Variants in JAKMIP1 observed in about 807,000 individuals in gnomAD.
The protein encoded by JAKMIP1 is janus kinase and microtubule-interacting protein 1.
JAKMIP1 carries 33 observed loss-of-function variants against 113.0 expected under a neutral mutation model. The ratio of observed to expected loss-of-function variants is 0.29; its 90% CI spans 0.22 to 0.39. The LOEUF is 0.39. JAKMIP1 is among the 10% of genes least tolerant of loss of function. JAKMIP1 has a pLI of 1.00. For missense variants in JAKMIP1, 813 were observed against 1,080.5 expected, an observed-to-expected ratio of 0.75 and a Z score of 3.47; for synonymous variants, 480 against 459.9, an observed-to-expected ratio of 1.04 and a Z score of -0.56.
At chr4:6,177,041 T>G (rs6446470) in intron 1 of JAKMIP1, among the ~76,000 whole-genome samples, 2 of 151,742 alleles carry the variant, frequency 1.3e-5, no homozygotes, top group African/African-American at 2.4e-5. Context: ...CTCAAAAAAA[T>G]TTTTTTTAAA....
chr4:6,166,304 C>A (rs1005316524), intron 1 of JAKMIP1, among the ~76,000 whole-genome samples: 3 of 152,220 alleles, frequency 2.0e-5, no homozygotes, highest in African/African-American at 4.8e-5. Context: ...CTTAGATAAA[C>A]CCGGCCAGGA....
rs1437985055 is a variant in JAKMIP1 at position 6,026,278 on chromosome 4, A to C, written c.2446T>G (p.Phe816Val). 1 of 1,362,374 alleles carries C rather than the reference A, an allele frequency of 7.3e-7. No individual in the cohort carries two copies. Among genetic ancestry groups the C allele is most frequent in the South Asian group, 1.3e-5 (1 of 77,484 alleles). The allele number at this position is 1,362,374 out of a possible 1,614,324, so 84.4% of individuals were successfully genotyped here. Residue 816 changes from phenylalanine to valine, a missense_variant and splice_region_variant, in exon 21 of 21, where the codon TTT (phenylalanine) becomes GTT (valine). By Grantham distance (50) the Phe-to-Val change is conservative. Around this residue, in one of 2 missense-constraint regions of JAKMIP1, gnomAD observed 273 missense variants for 426.6 expected, o/e 0.64. Transcript: ENST00000409021. ...KRHLKELEEK[F>V]LFLFLFFSLA... Reference sequence around the variant, plus strand: ...GAGAAAAACAAAAAAAGGAACAAAAACTATAAAATAATACCAAAAGAAAAT... The same window carrying C: ...GAGAAAAACAAAAAAAGGAACAAAACCTATAAAATAATACCAAAAGAAAAT...
At chr4:6,057,590 A>G (rs11730989) in intron 11 of JAKMIP1, among the ~76,000 whole-genome samples, 1,769 of 152,296 alleles carry the variant, frequency 0.012, 21 homozygotes, top group East Asian at 0.052. Flanking sequence ...GGGCCTCACC[A>G]GGCTGCGAGC....
chr4:6,089,524 A>C lies in JAKMIP1; in HGVS notation c.625-3895T>G, dbSNP rs987595776. ...ACAAACTTGAGGCCCAGAAAGGGGA[A>C]TGTGCTAACACTCTAGTTAGCAGCA... is the stretch of plus-strand genomic sequence containing the variant. On this transcript the variant is annotated intron_variant, in intron 3 of 20. Coordinates refer to ENST00000409021, the MANE Select transcript of JAKMIP1 (RefSeq NM_001099433.2). The surrounding 1 kb of genome is among the most constrained non-coding windows in gnomAD (Gnocchi z 5.3). Among the ~76,000 whole-genome samples the C allele has an allele frequency of 2.6e-5, 4 of 152,202 alleles. No individual in the cohort carries two copies. Among genetic ancestry groups the C allele is most frequent in the African/African-American group, 9.6e-5 (4 of 41,458 alleles).
intron 1 of JAKMIP1, among the ~76,000 whole-genome samples, chr4:6,133,908 T>C (rs890443260): frequency 1.3e-5 from 2 of 152,230 alleles, no homozygotes; most frequent in African/African-American, 4.8e-5. Flanking sequence ...ATTGAGATGG[T>C]TGGATGACCA....
chr4:6,187,774 T>G lies in JAKMIP1; in HGVS notation c.-148+12479A>C, dbSNP rs1190060933. Among the ~76,000 whole-genome samples the G allele has an allele frequency of 6.6e-6, 1 of 152,274 alleles. No individual in the cohort carries two copies. Among genetic ancestry groups the G allele is most frequent in the Non-Finnish European group, 1.5e-5 (1 of 68,046 alleles). On this transcript the variant is annotated intron_variant, in intron 1 of 20. Coordinates refer to ENST00000409021, the MANE Select transcript of JAKMIP1 (RefSeq NM_001099433.2). The surrounding 1 kb of genome is among the most constrained non-coding windows in gnomAD (Gnocchi z 4.2). Reference sequence around the variant, plus strand: ...TGAAAGGACCAAGATAGCATATACTTGGATCATATATTTTATCCCTGACAA... The same window carrying G: ...TGAAAGGACCAAGATAGCATATACTGGGATCATATATTTTATCCCTGACAA...
At chr4:6,028,883 A>G (rs1332875571) in intron 20 of JAKMIP1, among the ~76,000 whole-genome samples, 2 of 152,180 alleles carry the variant, frequency 1.3e-5, no homozygotes, top group East Asian at 3.8e-4. Flanking sequence ...ATCTAGAATC[A>G]TTTGCGTACT....
chr4:6,104,710 G>A (rs945254225), intron 3 of JAKMIP1, among the ~76,000 whole-genome samples: 2 of 152,186 alleles, frequency 1.3e-5, no homozygotes, highest in Admixed American at 1.3e-4. Context: ...TTTGTGGCGG[G>A]CCCCCTCCCT....
Position 6,141,090 on chromosome 4 carries a change from ACTACCAT to A in JAKMIP1, c.-147-28100_-147-28094del, listed in dbSNP as rs563306385. Among the ~76,000 whole-genome samples the A allele has an allele frequency of 1.8e-4, 28 of 152,344 alleles. 1 individual carries two copies. In the South Asian group the frequency reaches 5.8e-3, roughly 32 times the overall value. On this transcript the variant is annotated intron_variant, in intron 1 of 20. Transcript: ENST00000409021. The surrounding 1 kb of genome is among the most constrained non-coding windows in gnomAD (Gnocchi z 9.4). ...CACAGCGAAGAAGCCTCAGTCAGTC[ACTACCAT>A]CCTAATTGTATCGCGTAGAATGAGA...
At chr4:6,068,871 T>C (rs1718550175) in intron 8 of JAKMIP1, among the ~76,000 whole-genome samples, 1 of 152,194 alleles carries the variant, frequency 6.6e-6, no homozygotes, top group East Asian at 1.9e-4. Flanking sequence ...TGCCCAGCCT[T>C]AACATTTTTT....
chr4:6,123,490 AGAG>A (rs1716985352), intron 1 of JAKMIP1, among the ~76,000 whole-genome samples: 4 of 152,220 alleles, frequency 2.6e-5, no homozygotes, highest in Admixed American at 2.6e-4. Flanking sequence ...CAAAAGAGAG[AGAG>A]GAGATTAAAA....
At chr4:6,055,724 C>A (rs1329399696) in intron 12 of JAKMIP1, among the ~76,000 whole-genome samples, 1 of 151,840 alleles carries the variant, frequency 6.6e-6, no homozygotes, top group Non-Finnish European at 1.5e-5. Context: ...TGCAGGTGTC[C>A]CCAGAGGTCG....
intron 11 of JAKMIP1, among the ~76,000 whole-genome samples, chr4:6,058,620 T>C (rs1390332308): frequency 2.6e-5 from 4 of 152,244 alleles, no homozygotes; most frequent in Admixed American, 1.3e-4. Flanking sequence ...TTCCAGCCAA[T>C]GGAGACAGGA....
rs1411514895 is a variant in JAKMIP1 at position 6,051,217 on chromosome 4, T to A, written c.1807-538A>T. Among the ~76,000 whole-genome samples the A allele has an allele frequency of 2.1e-5, 3 of 144,538 alleles. No homozygotes were observed. In the East Asian group the frequency reaches 6.0e-4, roughly 29 times the overall value. The allele number at this position is 144,538 out of a possible 152,430, so 94.8% of individuals were successfully genotyped here. On this transcript the variant is annotated intron_variant, in intron 13 of 20. Coordinates refer to ENST00000409021, the MANE Select transcript of JAKMIP1 (RefSeq NM_001099433.2). The surrounding 1 kb of genome is among the most constrained non-coding windows in gnomAD (Gnocchi z 5.0). ...CCCAAAGGCTGACTTTCTTTCTTTT[T>A]CTTTCCTTTTTTTTTTTTTTTTGAG...
At chr4:6,058,929 C>T (rs16838141) in intron 11 of JAKMIP1, among the ~76,000 whole-genome samples, 15 of 152,076 alleles carry the variant, frequency 9.9e-5, no homozygotes, top group Non-Finnish European at 1.0e-4. Context: ...CTTATCATCT[C>T]GCACCTGGAT....
At chr4:6,083,934 TA>T (rs1560159278) in intron 5 of JAKMIP1, among the ~76,000 whole-genome samples, 2 of 152,218 alleles carry the variant, frequency 1.3e-5, no homozygotes, top group African/African-American at 2.4e-5. Flanking sequence ...AATTAATGTA[TA>T]AGTTTTAGTT....
At chr4:6,110,746 G>T (rs1456402043) in intron 2 of JAKMIP1, among the ~76,000 whole-genome samples, 1 of 150,004 alleles carries the variant, frequency 6.7e-6, no homozygotes, top group East Asian at 2.0e-4. Flanking sequence ...TGAGGCAGGG[G>T]GTTACACAGC....
At position 6,106,065 on chromosome 4, in the gene JAKMIP1, G is replaced by A. The variant is rs1713892214; in HGVS notation, c.130-98C>T. On this transcript the variant is annotated intron_variant, in intron 2 of 20. Transcript: ENST00000409021. This position sits in a 1 kb window ranked among gnomAD's most constrained non-coding sequence, Gnocchi z 5.9. ...GGGGAGCTGGCCACAGCCTCCCCAC[G>A]CCCAAGACACCCACCTGGGCCCACG... 3.8e-6 allele frequency: 3 copies of A among 796,498 alleles called. No individual in the cohort carries two copies. Among genetic ancestry groups the A allele is most frequent in the African/African-American group, 1.7e-5 (1 of 58,110 alleles). The allele number at this position is 796,498 out of a possible 1,614,324, so 49.3% of individuals were successfully genotyped here. A position where few individuals can be genotyped will look rare whatever the true frequency, so the allele number is the denominator to read the frequency against.
At chr4:6,113,410 T>C (rs1715263324) in intron 1 of JAKMIP1, among the ~76,000 whole-genome samples, 1 of 152,044 alleles carries the variant, frequency 6.6e-6, no homozygotes, top group Non-Finnish European at 1.5e-5. Flanking sequence ...GCTTGAAGCA[T>C]GAGGAGCATG....
Sources: allele counts gnomAD v4.1 joint callset (sites outside exome capture counted in the v4.1 genomes callset), GRCh38; gene constraint gnomAD v4.1.1; regional missense constraint gnomAD v4.1.1; non-coding constraint Gnocchi (gnomAD v3.1); transcripts MANE v1.5; gene names NCBI Gene and HGNC (gene_info 2026-07-23, HGNC 2026-07-21).